GALNTL6: variants seen among roughly 807,000 people sequenced by gnomAD.
GALNTL6 encodes the protein polypeptide N-acetylgalactosaminyltransferase-like 6.
In GALNTL6, 46 loss-of-function variants were observed where a neutral mutation model predicts 73.7. The ratio of observed to expected loss-of-function variants is 0.62; its 90% confidence interval spans 0.49 to 0.80. The LOEUF is 0.80. Ranked by LOEUF, GALNTL6 falls within the 30% of genes least tolerant of loss-of-function variation. GALNTL6 has a pLI of 0.00. For missense variants in GALNTL6, 604 were observed against 755.0 expected, an observed-to-expected ratio of 0.80 and a Z score of 2.34; for synonymous variants, 259 against 263.7, an observed-to-expected ratio of 0.98 and a Z score of 0.17.
chr4:172,801,642 G>A (rs1342804345), intron 5 of GALNTL6, among the ~76,000 whole-genome samples: 2 of 152,184 alleles, frequency 1.3e-5, no homozygotes, highest in Non-Finnish European at 2.9e-5. Flanking sequence ...TACTCCATAA[G>A]GGGCCATGCC....
intron 2 of GALNTL6, chr4:172,052,438 C>G: frequency 1.3e-6 from 2 of 1,534,310 alleles, no homozygotes; most frequent in Non-Finnish European, 1.7e-6. Context: ...ACCCATTCAC[C>G]AGCCAGATGA....
intron 5 of GALNTL6, among the ~76,000 whole-genome samples, chr4:172,611,375 A>G (rs552391725): frequency 2.4e-4 from 37 of 152,080 alleles, no homozygotes; most frequent in African/African-American, 8.4e-4. Context: ...AAAGTAATGA[A>G]TACTCTTACT....
At chr4:172,362,114 T>C (rs960703071) in intron 5 of GALNTL6, among the ~76,000 whole-genome samples, 3 of 152,116 alleles carry the variant, frequency 2.0e-5, no homozygotes, top group Non-Finnish European at 4.4e-5. Flanking sequence ...ATTTCTTTCC[T>C]TCAACCCTAC....
intron 10 of GALNTL6, among the ~76,000 whole-genome samples, chr4:172,995,305 T>A (rs571953363): frequency 1.3e-5 from 2 of 152,308 alleles, no homozygotes; most frequent in South Asian, 2.1e-4. Context: ...ATTTTCTGAC[T>A]GATGATGCAG....
At chr4:172,351,616 T>C (rs2111222051) in intron 5 of GALNTL6, among the ~76,000 whole-genome samples, 1 of 152,280 alleles carries the variant, frequency 6.6e-6, no homozygotes, top group South Asian at 2.1e-4. Context: ...TTAAAAGCTA[T>C]AATTAACTTA....
intron 5 of GALNTL6, among the ~76,000 whole-genome samples, chr4:172,474,262 A>G (rs766262928): frequency 1.1e-4 from 17 of 152,044 alleles, no homozygotes; most frequent in Non-Finnish European, 1.6e-4. Context: ...TGGACATCCT[A>G]CTGAACATTG....
intron 2 of GALNTL6, among the ~76,000 whole-genome samples, chr4:171,830,696 A>G (rs1228762822): frequency 6.6e-6 from 1 of 152,174 alleles, no homozygotes; most frequent in African/African-American, 2.4e-5. Context: ...GATACTGAAC[A>G]TTGTAAGATT....
chr4:172,590,331 C>T (rs947087042), intron 5 of GALNTL6, among the ~76,000 whole-genome samples: 2 of 152,054 alleles, frequency 1.3e-5, no homozygotes, highest in African/African-American at 4.8e-5. Context: ...ACTGGGGGAA[C>T]CTCAGGAAAG....
intron 7 of GALNTL6, among the ~76,000 whole-genome samples, chr4:172,818,134 C>T (rs1483056875): frequency 6.6e-6 from 1 of 152,190 alleles, no homozygotes; most frequent in East Asian, 1.9e-4. Context: ...CACTTCACTG[C>T]TGCCAACGTT....
intron 4 of GALNTL6, among the ~76,000 whole-genome samples, chr4:172,346,922 T>C (rs957963877): frequency 6.6e-6 from 1 of 152,100 alleles, no homozygotes; most frequent in African/African-American, 2.4e-5. Context: ...CTTTCTCTGA[T>C]TGGATTGTAT....
intron 10 of GALNTL6, among the ~76,000 whole-genome samples, chr4:172,954,876 G>T (rs1698895163): frequency 6.6e-6 from 1 of 152,170 alleles, no homozygotes; most frequent in African/African-American, 2.4e-5. Flanking sequence ...AGAAAATGGG[G>T]ACATAGTTTA....
At chr4:172,969,470 T>C (rs1323538872) in intron 10 of GALNTL6, among the ~76,000 whole-genome samples, 1 of 152,194 alleles carries the variant, frequency 6.6e-6, no homozygotes, top group Non-Finnish European at 1.5e-5. Flanking sequence ...TGAATCTATG[T>C]ATTAAAAGGA....
intron 5 of GALNTL6, among the ~76,000 whole-genome samples, chr4:172,631,471 A>C (rs983849685): frequency 1.3e-5 from 2 of 152,186 alleles, no homozygotes; most frequent in African/African-American, 4.8e-5. Flanking sequence ...TTGAAGTTCT[A>C]CTAAAAAACA....
At chr4:171,815,178 AT>A (rs1734492711) in intron 2 of GALNTL6, 1 of 176,406 alleles carries the variant, frequency 5.7e-6, no homozygotes, top group Non-Finnish European at 1.2e-5. Flanking sequence ...GGTTTTCAGT[AT>A]TTTGGTTGTA....
At chr4:172,920,625 C>T (rs533345181) in intron 8 of GALNTL6, among the ~76,000 whole-genome samples, 1 of 152,062 alleles carries the variant, frequency 6.6e-6, no homozygotes, top group Admixed American at 6.6e-5. Context: ...TAACATCACT[C>T]ATTTCTTTAA....
intron 2 of GALNTL6, among the ~76,000 whole-genome samples, chr4:172,143,857 T>G (rs79711432): frequency 0.011 from 1,709 of 152,270 alleles, 27 homozygotes; most frequent in African/African-American, 0.039. Context: ...TTTTTTCCCT[T>G]GGGGCTTCCA....
At chr4:172,631,240 G>C (rs1057400739) in intron 5 of GALNTL6, among the ~76,000 whole-genome samples, 1 of 151,822 alleles carries the variant, frequency 6.6e-6, no homozygotes, top group Admixed American at 6.6e-5. Flanking sequence ...CGCCTCCCGG[G>C]TTCTAGCAAT....
intron 8 of GALNTL6, among the ~76,000 whole-genome samples, chr4:172,909,002 C>T (rs75523675): frequency 0.01 from 1,573 of 151,580 alleles, 7 homozygotes; most frequent in Non-Finnish European, 0.017. Context: ...TAATAAAATA[C>T]ATAATAAAAC....
chr4:172,654,445 T>A (rs1048983760), intron 5 of GALNTL6, among the ~76,000 whole-genome samples: 1 of 152,206 alleles, frequency 6.6e-6, no homozygotes, highest in African/African-American at 2.4e-5. Flanking sequence ...TCTATTTAAT[T>A]TTTCTTTTAA....
Sources: gnomAD v4.1 joint callset for allele counts (sites outside exome capture counted in the v4.1 genomes callset) on GRCh38, gnomAD v4.1.1 for gene constraint, MANE v1.5 for transcripts, NCBI Gene and HGNC (gene_info 2026-07-23, HGNC 2026-07-21) for gene names.